SLMAP: variants seen among roughly 807,000 people sequenced by gnomAD.
SLMAP encodes sarcolemma associated protein, also known as sarcolemmal membrane-associated protein.
In SLMAP, 44 loss-of-function variants were observed where a neutral mutation model predicts 128.8. The observed-to-expected ratio is 0.34, with a 90% CI of 0.27 to 0.44. SLMAP has a LOEUF of 0.44. Among genes scored for constraint, SLMAP ranks in the 20% least tolerant of loss-of-function variants. SLMAP has a pLI of 1.00. For missense variants in SLMAP, 787 were observed against 985.3 expected (o/e 0.80, Z 2.69); for synonymous variants, 327 against 348.8 (o/e 0.94, Z 0.70).
chr3:57,871,348 A>G (rs2095475971), intron 13 of SLMAP, among the ~76,000 whole-genome samples: 1 of 152,170 alleles, frequency 6.6e-6, no homozygotes, highest in Non-Finnish European at 1.5e-5. Context: ...GTTGAGTTCT[A>G]GTGGACAAAA....
intron 2 of SLMAP, among the ~76,000 whole-genome samples, chr3:57,789,485 A>T (rs2084970082): frequency 6.6e-6 from 1 of 152,114 alleles, no homozygotes; most frequent in South Asian, 2.1e-4. Flanking sequence ...GATGGTAGAT[A>T]ATGAGGAACC....
intron 14 of SLMAP, among the ~76,000 whole-genome samples, chr3:57,872,613 G>A (rs1160460159): frequency 6.6e-6 from 1 of 152,158 alleles, no homozygotes; most frequent in South Asian, 2.1e-4. Flanking sequence ...GAGCAAGACT[G>A]TATCTCCAAA....
At chr3:57,804,983 A>G (rs948079369) in intron 2 of SLMAP, among the ~76,000 whole-genome samples, 2 of 152,166 alleles carry the variant, frequency 1.3e-5, no homozygotes, top group African/African-American at 4.8e-5. Flanking sequence ...ACAGAATTAG[A>G]GAGTCTAGAT....
At chr3:57,897,963 A>C (rs1309666228) in intron 17 of SLMAP, 2 of 152,218 alleles carry the variant, frequency 1.3e-5, no homozygotes, top group African/African-American at 4.8e-5. Flanking sequence ...TTGTAAGTTC[A>C]GCCCAGTGGG....
chr3:57,821,290 T>A (rs1242745512), intron 2 of SLMAP, among the ~76,000 whole-genome samples: 1 of 152,166 alleles, frequency 6.6e-6, no homozygotes, highest in Non-Finnish European at 1.5e-5. Flanking sequence ...TATTGTACAG[T>A]GAACACATCT....
intron 2 of SLMAP, among the ~76,000 whole-genome samples, chr3:57,826,066 T>C (rs1470474072): frequency 6.6e-6 from 1 of 152,178 alleles, no homozygotes; most frequent in Admixed American, 6.5e-5. Flanking sequence ...AATTTTACCC[T>C]TTTTAAAACC....
chr3:57,906,310 C>CTTTTTTTTCTTTTTTTTTTTTTTTTTTTT lies in SLMAP; in HGVS notation c.1502-1566_1502-1565insCTTTTTTTTTTTTTTTTTTTTTTTTTTTT, dbSNP rs2096550422. 1.7e-4 allele frequency among the ~76,000 whole-genome samples: 8 copies of CTTTTTTTTCTTTTTTTTTTTTTTTTTTTT among 47,046 alleles called. 1 individual carries two copies. The highest frequency in any genetic ancestry group is 5.6e-4 in the Admixed American group (2 of 3,550). The allele number at this position is 47,046 out of a possible 152,430, so 30.9% of individuals were successfully genotyped here. A position where few individuals can be genotyped will look rare whatever the true frequency, so the allele number is the denominator to read the frequency against. On this transcript the variant is annotated intron_variant, in intron 17 of 24. Coordinates refer to ENST00000671191, the MANE Select transcript of SLMAP (RefSeq NM_001377540.1). ...GAATCAAATTTTTTTCTTTTTTTTT[C>CTTTTTTTTCTTTTTTTTTTTTTTTTTTTT]TTTTTTTTTTTTTTTTTTTTTTAGA...
intron 3 of SLMAP, 79 bp from the exon 4 acceptor site, chr3:57,841,220 T>G (rs2093919610): frequency 1.3e-6 from 1 of 771,180 alleles, no homozygotes; most frequent in Admixed American, 2.9e-5. Flanking sequence ...AAGAATAAAC[T>G]ATGTTTACAT....
intron 2 of SLMAP, among the ~76,000 whole-genome samples, chr3:57,777,352 A>ATAAG (rs36083118): frequency 0.63 from 95,688 of 151,590 alleles, 30,814 homozygotes; most frequent in East Asian, 0.98. Flanking sequence ...GGAGGCTATA[A>ATAAG]TAATTTACAG....
At chr3:57,826,490 C>T (rs1328871526) in intron 2 of SLMAP, among the ~76,000 whole-genome samples, 1 of 152,170 alleles carries the variant, frequency 6.6e-6, no homozygotes, top group Non-Finnish European at 1.5e-5. Flanking sequence ...AGAGCTCCCT[C>T]TTCTGTTGTT....
At chr3:57,832,383 T>C (rs183605413) in intron 3 of SLMAP, among the ~76,000 whole-genome samples, 33 of 152,330 alleles carry the variant, frequency 2.2e-4, no homozygotes, top group Non-Finnish European at 3.7e-4. Context: ...TAAAATTTAA[T>C]GTCTCACAAT....
rs753738680 is a variant in SLMAP, at chr3:57,860,790, G to A, written c.779G>A (p.Arg260Gln). The change falls in exon 9 of 25, where the codon CGG (arginine) becomes CAG (glutamine). Residue 260 changes from arginine (R) to glutamine (Q), a missense_variant. Physicochemically the swap from Arg to Gln is conservative, Grantham distance 43. Around this residue, in one of 2 missense-constraint regions of SLMAP, gnomAD observed 715 missense variants for 843.6 expected, o/e 0.85. Coordinates refer to ENST00000671191, the MANE Select transcript of SLMAP (RefSeq NM_001377540.1). ...ACAACAGCCAAAGAGTCCCTGAGGC[G>A]GGTTCTTCAGGAGAAAATTGAAGTG... ...YETTAKESLR[R>Q]VLQEKIEVVR... The A allele has an allele frequency of 1.3e-6, 2 of 1,595,736 alleles. No homozygotes were observed. The highest frequency in any genetic ancestry group is 1.7e-6 in the Non-Finnish European group (2 of 1,175,222).
At position 57,795,073 on chromosome 3, in the gene SLMAP, T is replaced by C. The variant is rs546135052; in HGVS notation, c.199-36310T>C. Among the ~76,000 whole-genome samples the C allele has an allele frequency of 1.4e-3, 215 of 152,332 alleles. 1 individual carries two copies. The highest frequency in any genetic ancestry group is 0.014 in the Middle Eastern group (4 of 294). Reference sequence around the variant, plus strand: ...CTTCCTGGTCAATACTTCTTAATGTTGGTCTTTTTTGTAGCCATCAGGTGG... The same window carrying C: ...CTTCCTGGTCAATACTTCTTAATGTCGGTCTTTTTTGTAGCCATCAGGTGG... On this transcript the variant is annotated intron_variant, in intron 2 of 24. Transcript: ENST00000671191.
At chr3:57,826,177 C>CTA (rs1401025680) in intron 2 of SLMAP, among the ~76,000 whole-genome samples, 2 of 151,892 alleles carry the variant, frequency 1.3e-5, no homozygotes, top group Non-Finnish European at 2.9e-5. Context: ...TACTTCTATT[C>CTA]TTTTGAGTTA....
intron 17 of SLMAP, among the ~76,000 whole-genome samples, chr3:57,905,066 G>A (rs1294158636): frequency 6.6e-6 from 1 of 152,068 alleles, no homozygotes; most frequent in African/African-American, 2.4e-5. Context: ...GCAAGACCCT[G>A]TCTCAAAAAA....
intron 17 of SLMAP, among the ~76,000 whole-genome samples, chr3:57,906,310 C>CTTTTCTTTTTTTTTTTTTTTTTT (rs2096548548): frequency 2.1e-5 from 1 of 47,048 alleles, no homozygotes; most frequent in African/African-American, 7.1e-5. Flanking sequence ...CTTTTTTTTT[C>CTTTTCTTTTTTTTTTTTTTTTTT]TTTTTTTTTT....
chr3:57,808,922 T>A (rs903756122), intron 2 of SLMAP, among the ~76,000 whole-genome samples: 5 of 152,246 alleles, frequency 3.3e-5, no homozygotes, highest in Admixed American at 3.3e-4. Context: ...ACTTGTTTTA[T>A]GAATCTGTAT....
chr3:57,840,192 G>A (rs937158905), intron 3 of SLMAP, among the ~76,000 whole-genome samples: 12 of 152,184 alleles, frequency 7.9e-5, no homozygotes, highest in African/African-American at 2.9e-4. Flanking sequence ...GACCTCAGGT[G>A]ATCCATCCAC....
At chr3:57,795,805 G>A (rs753986511) in intron 2 of SLMAP, among the ~76,000 whole-genome samples, 1 of 151,928 alleles carries the variant, frequency 6.6e-6, no homozygotes, top group Non-Finnish European at 1.5e-5. Flanking sequence ...CAGAAACACT[G>A]TACCCATTAA....
Sources: gnomAD v4.1 joint callset for allele counts (sites outside exome capture counted in the v4.1 genomes callset) on GRCh38, gnomAD v4.1.1 for gene constraint, gnomAD v4.1.1 regional missense constraint, MANE v1.5 for transcripts, NCBI Gene and HGNC (gene_info 2026-07-23, HGNC 2026-07-21) for gene names.